The following MYBPC1 variants were observed in gnomAD, a reference collection of about 807,000 sequenced individuals.
The protein encoded by MYBPC1 is myosin binding protein C1.
MYBPC1 carries 52 observed loss-of-function variants against 147.1 expected under a neutral mutation model. The ratio of observed to expected loss-of-function variants is 0.35; its 90% confidence interval spans 0.28 to 0.45. The LOEUF (loss-of-function observed/expected upper bound fraction) is 0.45, where lower values mean the gene tolerates loss of function less well. Among genes scored for constraint, MYBPC1 ranks in the 20% least tolerant of loss-of-function variants. The pLI, the probability that MYBPC1 is intolerant of heterozygous loss-of-function variation, is 1.00. For synonymous variants in MYBPC1, 477 were observed against 475.9 expected (o/e 1.00, Z -0.03); for missense variants, 1,228 against 1,440.3 (o/e 0.85, Z 2.39).
intron 10 of MYBPC1, among the ~76,000 whole-genome samples, chr12:101,638,791 A>G (rs900950026): frequency 1.3e-5 from 2 of 152,202 alleles, no homozygotes; most frequent in Admixed American, 1.3e-4. Flanking sequence ...GGCAGCCAAC[A>G]TGTCTCCAGT....
intron 1 of MYBPC1, among the ~76,000 whole-genome samples, chr12:101,609,055 G>A (rs1299641190): frequency 6.6e-6 from 1 of 152,086 alleles, no homozygotes; most frequent in East Asian, 1.9e-4. Context: ...CTGCTGTGTG[G>A]AATCTGAAAA....
chr12:101,674,696 G>A (rs1198675070), intron 25 of MYBPC1, among the ~76,000 whole-genome samples: 1 of 151,596 alleles, frequency 6.6e-6, no homozygotes, highest in Non-Finnish European at 1.5e-5. Flanking sequence ...AAACCTGTCT[G>A]TACTAAAAAT....
chr12:101,615,294 C>T (rs1014147608), intron 2 of MYBPC1, among the ~76,000 whole-genome samples: 3 of 152,146 alleles, frequency 2.0e-5, no homozygotes, highest in Non-Finnish European at 4.4e-5. Flanking sequence ...CCAAATAGCC[C>T]CAAGATGGAA....
At chr12:101,656,588 T>G (rs1895581370) in intron 18 of MYBPC1, among the ~76,000 whole-genome samples, 1 of 152,120 alleles carries the variant, frequency 6.6e-6, no homozygotes, top group South Asian at 2.1e-4. Flanking sequence ...GCGAAGAAAT[T>G]TATCTGGAAT....
At chr12:101,660,103 A>G in intron 19 of MYBPC1, 3 of 468,652 alleles carry the variant, frequency 6.4e-6, no homozygotes, top group South Asian at 6.3e-5. Context: ...CCCACATCAC[A>G]ATCATTACAG....
chr12:101,676,510 T>G (rs1213049525), intron 26 of MYBPC1, among the ~76,000 whole-genome samples: 1 of 151,904 alleles, frequency 6.6e-6, no homozygotes, highest in Non-Finnish European at 1.5e-5. Flanking sequence ...GTCCCAGCAC[T>G]TTGGAAGGCT....
chr12:101,673,827 C>T (rs1430916301), intron 25 of MYBPC1, among the ~76,000 whole-genome samples: 5 of 152,108 alleles, frequency 3.3e-5, no homozygotes, highest in African/African-American at 4.8e-5. Context: ...CCAACGTAGG[C>T]GGATCACTTG....
chr12:101,627,661 T>C (rs186997662), intron 4 of MYBPC1, 108 bp from the exon 5 acceptor site: 1 of 1,269,512 alleles, frequency 7.9e-7, no homozygotes, highest in Admixed American at 1.7e-5. Flanking sequence ...TTCCTTCCTA[T>C]CACCAGAGGA....
the MYBPC1 span, among the ~76,000 whole-genome samples, chr12:101,693,414 C>T: frequency 3.3e-5 from 5 of 152,128 alleles, no homozygotes; most frequent in Non-Finnish European, 2.9e-5. Flanking sequence ...GATGGCCCCC[C>T]ACAATACCCA....
intron 28 of MYBPC1, among the ~76,000 whole-genome samples, chr12:101,679,767 G>A (rs540369591): frequency 6.6e-6 from 1 of 151,732 alleles, no homozygotes; most frequent in African/African-American, 2.4e-5. Flanking sequence ...AAAAGGAAGT[G>A]AAGAAAATCA....
chr12:101,694,562 C>T, the MYBPC1 span, among the ~76,000 whole-genome samples: 1 of 152,300 alleles, frequency 6.6e-6, no homozygotes, highest in Non-Finnish European at 1.5e-5. Context: ...AGAGAGCTTC[C>T]TCTCTTTCTC....
At chr12:101,601,166 G>T (rs560021649) in intron 1 of MYBPC1, among the ~76,000 whole-genome samples, 2 of 152,304 alleles carry the variant, frequency 1.3e-5, no homozygotes, top group South Asian at 2.1e-4. Context: ...AAGAAGAAAA[G>T]ACTTTGTCAC....
At chr12:101,676,093 T>A (rs994654750) in intron 26 of MYBPC1, among the ~76,000 whole-genome samples, 1 of 152,234 alleles carries the variant, frequency 6.6e-6, no homozygotes, top group Non-Finnish European at 1.5e-5. Context: ...TTTTATGATT[T>A]TTTTTCAGCT....
At chr12:101,608,314 T>C (rs576786970) in intron 1 of MYBPC1, among the ~76,000 whole-genome samples, 1 of 152,210 alleles carries the variant, frequency 6.6e-6, no homozygotes. Flanking sequence ...CTTGGGCTTA[T>C]TTTTTTCAAA....
intron 27 of MYBPC1, among the ~76,000 whole-genome samples, 198 bp from the exon 28 acceptor site, chr12:101,677,904 C>A (rs569704045): frequency 9.1e-4 from 139 of 152,262 alleles, no homozygotes; most frequent in Non-Finnish European, 1.3e-3. Context: ...TTCAGATGAC[C>A]CCTCTGGCTT....
chr12:101,623,384 T>C (rs1034790726), intron 3 of MYBPC1, among the ~76,000 whole-genome samples: 1 of 152,214 alleles, frequency 6.6e-6, no homozygotes, highest in African/African-American at 2.4e-5. Context: ...ACATATTCTA[T>C]GCATGTAACA....
At chr12:101,691,410 T>G in the MYBPC1 span, among the ~76,000 whole-genome samples, 1 of 152,166 alleles carries the variant, frequency 6.6e-6, no homozygotes, top group Non-Finnish European at 1.5e-5. Context: ...CACTCTTTCT[T>G]CCAAACCAAT....
chr12:101,667,413 G>A (rs981844066), intron 22 of MYBPC1, among the ~76,000 whole-genome samples: 1 of 152,080 alleles, frequency 6.6e-6, no homozygotes, highest in African/African-American at 2.4e-5. Flanking sequence ...AACCAAATTG[G>A]AATAAAACTG....
downstream of MYBPC1, among the ~76,000 whole-genome samples, chr12:101,690,975 C>T (rs1951403562): frequency 6.6e-6 from 1 of 152,186 alleles, no homozygotes; most frequent in Non-Finnish European, 1.5e-5. Flanking sequence ...AATACCCCAG[C>T]CTGTGTAGCT....
Sources: allele counts gnomAD v4.1 joint callset (sites outside exome capture counted in the v4.1 genomes callset), GRCh38; gene constraint gnomAD v4.1.1; transcripts MANE v1.5; gene names NCBI Gene and HGNC (gene_info 2026-07-23, HGNC 2026-07-21).